Variants in SYNE1 observed in about 807,000 individuals in gnomAD.
SYNE1 encodes spectrin repeat containing nuclear envelope protein 1.
SYNE1 carries 616 observed loss-of-function variants against 1,111.0 expected under a neutral mutation model. The observed-to-expected ratio is 0.55, with a 90% CI of 0.52 to 0.59. SYNE1 has a LOEUF of 0.59. Ranked by LOEUF, SYNE1 falls within the 20% of genes least tolerant of loss-of-function variation. The pLI is 0.00. For missense variants in SYNE1, 10,006 were observed against 10,417.0 expected, an observed-to-expected ratio of 0.96 and a Z score of 1.72; for synonymous variants, 3,855 against 3,825.8, an observed-to-expected ratio of 1.01 and a Z score of -0.28.
chr6:152,561,323 A>G (rs1206892444), intron 3 of SYNE1, among the ~76,000 whole-genome samples: 2 of 152,182 alleles, frequency 1.3e-5, no homozygotes. Context: ...AAAATATTCT[A>G]TTCACAATAG....
chr6:152,596,780 T>G (rs1382169489), intron 3 of SYNE1, among the ~76,000 whole-genome samples: 1 of 152,226 alleles, frequency 6.6e-6, no homozygotes, highest in African/African-American at 2.4e-5. Flanking sequence ...AAAAGAGATC[T>G]TTCTTCTTAT....
In SYNE1 at chr6:152,326,473, A is replaced by G. The variant is rs780617133; in HGVS notation, c.15116T>C (p.Phe5039Ser). The stretch of plus-strand genomic sequence containing the variant: ...ACTATGGAACTGATCCTCTGTACTG[A>G]AAAATTCCATGTGGCTTTTGAGATT... ...EENLKSHMEF[F>S]STEDQFHSNL... The change falls in exon 79 of 146, where the codon TTC becomes TCC. Residue 5039 changes from phenylalanine to serine, a missense_variant. Physicochemically the swap from Phe to Ser is radical, Grantham distance 155. Around this residue, in one of 7 missense-constraint regions of SYNE1, gnomAD observed 4,955 missense variants for 5,017.2 expected, o/e 0.99. Coordinates refer to ENST00000367255, the MANE Select transcript of SYNE1 (RefSeq NM_182961.4). 86 of 1,614,080 alleles carry G rather than the reference A, an allele frequency of 5.3e-5. No individual in the cohort carries two copies. Among genetic ancestry groups the G allele is most frequent in the Non-Finnish European group, 6.9e-5 (81 of 1,180,038 alleles).
intron 55 of SYNE1, among the ~76,000 whole-genome samples, chr6:152,381,990 A>AT (rs1172582070): frequency 6.6e-6 from 1 of 152,196 alleles, no homozygotes; most frequent in Non-Finnish European, 1.5e-5. Flanking sequence ...ATTTATTAGT[A>AT]TTTTTTTACC....
intron 56 of SYNE1, among the ~76,000 whole-genome samples, chr6:152,378,065 T>C (rs1437072598): frequency 2.0e-5 from 3 of 152,148 alleles, no homozygotes; most frequent in African/African-American, 4.8e-5. Flanking sequence ...GTTCCTCTCA[T>C]AGGATTGTCA....
At chr6:152,413,239 A>T (rs934829244) in intron 42 of SYNE1, 113 bp downstream of exon 42, 11 of 1,162,614 alleles carry the variant, frequency 9.5e-6, no homozygotes, top group Admixed American at 1.7e-5. Context: ...CAGAATATCT[A>T]AAATGGTAAA....
chr6:152,607,382 G>C (rs12210370), intron 3 of SYNE1, among the ~76,000 whole-genome samples: 15,159 of 152,044 alleles, frequency 0.1, 866 homozygotes, highest in African/African-American at 0.16. Flanking sequence ...GTGTTTGCAA[G>C]AGCCCTTCTG....
At position 152,602,876 on chromosome 6, in the gene SYNE1, G is replaced by A. The variant is rs139763877; in HGVS notation, c.67+25389C>T. On this transcript the variant is annotated intron_variant, in intron 3 of 145. Coordinates refer to ENST00000367255, the MANE Select transcript of SYNE1 (RefSeq NM_182961.4). ...GAAGGTGTGTGTGTGCCTTTCTGAG[G>A]CAGCAGGAAAGAGAAGTTCTCCTGT... is the stretch of plus-strand genomic sequence containing the variant. Among the ~76,000 whole-genome samples, 602 of 152,316 alleles carry A rather than the reference G, an allele frequency of 4.0e-3. 6 individuals carry two copies. Among genetic ancestry groups the A allele is most frequent in the African/African-American group, 0.014 (578 of 41,560 alleles).
chr6:152,527,238 T>A (rs1051940802), intron 4 of SYNE1, among the ~76,000 whole-genome samples: 2 of 152,226 alleles, frequency 1.3e-5, no homozygotes, highest in African/African-American at 2.4e-5. Context: ...CTCTACCAAC[T>A]GATGTAGAGC....
chr6:152,617,376 T>C (rs1187278562), intron 3 of SYNE1, among the ~76,000 whole-genome samples: 1 of 152,204 alleles, frequency 6.6e-6, no homozygotes. Flanking sequence ...AAATAAATAC[T>C]TACCCATAGT....
At chr6:152,371,580 T>G (rs920609626) in intron 59 of SYNE1, among the ~76,000 whole-genome samples, 3 of 108,720 alleles carry the variant, frequency 2.8e-5, no homozygotes, top group Admixed American at 1.2e-4. Context: ...AGAAAGGAGA[T>G]GAGAGGGGAG....
At chr6:152,242,504 T>C in intron 106 of SYNE1, 64 bp from the exon 107 acceptor site, 2 of 1,580,430 alleles carry the variant, frequency 1.3e-6, no homozygotes, top group East Asian at 4.5e-5. Context: ...TAAAAGCATA[T>C]GAACTATGAA....
At chr6:152,540,115 G>T (rs547761318) in intron 3 of SYNE1, 94 bp from the exon 4 acceptor site, 1 of 1,276,852 alleles carries the variant, frequency 7.8e-7, no homozygotes, top group African/African-American at 1.5e-5. Flanking sequence ...GGAAGGAATC[G>T]TGAAATCGTT....
intron 42 of SYNE1, among the ~76,000 whole-genome samples, chr6:152,411,725 A>C (rs546027): frequency 0.48 from 70,128 of 146,496 alleles, 17,298 homozygotes; most frequent in East Asian, 0.73. Context: ...ACACACACAC[A>C]CACCCCCACA....
In SYNE1 at chr6:152,336,833, A is replaced by G. The variant is rs1590375315; in HGVS notation, c.12528+8T>C. 1.2e-6 allele frequency: 2 copies of G among 1,612,440 alleles called. No individual in the cohort carries two copies. The highest frequency in any genetic ancestry group is 2.2e-5 in the East Asian group (1 of 44,888). ...TTTTATCTCCCTTGGGGGCAAATTA[A>G]TTCCCACCTTAACTTGTGAAACCAT... is the stretch of plus-strand genomic sequence containing the variant. On this transcript the variant is annotated splice_region_variant and intron_variant, in intron 76 of 145. Coordinates refer to ENST00000367255, the MANE Select transcript of SYNE1 (RefSeq NM_182961.4).
chr6:152,395,064 T>C (rs554235727), intron 51 of SYNE1, among the ~76,000 whole-genome samples: 6 of 152,140 alleles, frequency 3.9e-5, no homozygotes. Flanking sequence ...ATTATAGGCG[T>C]GAGCCACCGC....
intron 2 of SYNE1, among the ~76,000 whole-genome samples, chr6:152,633,154 C>T (rs2099700720): frequency 6.6e-6 from 1 of 152,102 alleles, no homozygotes; most frequent in African/African-American, 2.4e-5. Flanking sequence ...CAGGATACTG[C>T]GGGAGCACGA....
intron 3 of SYNE1, among the ~76,000 whole-genome samples, chr6:152,617,923 T>C (rs2099663821): frequency 6.6e-6 from 1 of 152,140 alleles, no homozygotes; most frequent in Non-Finnish European, 1.5e-5. Flanking sequence ...TTCGGGGGAT[T>C]GCAACACCAT....
chr6:152,572,593 T>C (rs1048070225), intron 3 of SYNE1, among the ~76,000 whole-genome samples: 1 of 152,154 alleles, frequency 6.6e-6, no homozygotes, highest in African/African-American at 2.4e-5. Flanking sequence ...AACCAGAATG[T>C]CAGTAATACT....
chr6:152,205,942 T>G (rs546796901), intron 126 of SYNE1, among the ~76,000 whole-genome samples: 16 of 152,358 alleles, frequency 1.1e-4, no homozygotes, highest in African/African-American at 3.8e-4. Context: ...CTTATTAGAC[T>G]TTACTTTGTT....
Sources: allele counts gnomAD v4.1 joint callset (sites outside exome capture counted in the v4.1 genomes callset), GRCh38; gene constraint gnomAD v4.1.1; regional missense constraint gnomAD v4.1.1; transcripts MANE v1.5; gene names NCBI Gene and HGNC (gene_info 2026-07-23, HGNC 2026-07-21).